Variants in C2CD4A observed in about 807,000 individuals in gnomAD.
The protein encoded by C2CD4A is C2 calcium-dependent domain-containing protein 4A.
In C2CD4A, 2 loss-of-function variants were observed where a neutral mutation model predicts 0.4. The observed-to-expected ratio is 4.45, with a 90% CI of 1.82 to 13.99. The LOEUF is 13.99. Among genes scored for constraint, C2CD4A ranks in the 30% most tolerant of loss-of-function variants. The pLI, the probability that C2CD4A is intolerant of heterozygous loss-of-function variation, is 0.04. For synonymous variants in C2CD4A, 297 were observed against 280.8 expected (o/e 1.06, Z -0.58); for missense variants, 610 against 574.2 (o/e 1.06, Z -0.64).
In C2CD4A at chr15:62,068,035, C is replaced by G. The variant is rs1251696581; in HGVS notation, c.422C>G (p.Pro141Arg). The change falls in exon 2 of 2, where the codon CCG becomes CGG. Residue 141 changes from proline to arginine, a missense_variant. By Grantham distance (103) the Pro-to-Arg change is moderately radical. Transcript: ENST00000355522. ...CACACCTACGGCGGCGGCGGCGGCC[C>G]GGACGCCCTCCTGGGGACCCTGCGC... ...RAHTYGGGGG[P>R]DALLGTLRVP... 11 of 1,269,144 alleles carry G rather than the reference C, an allele frequency of 8.7e-6. No homozygotes were observed. Among genetic ancestry groups the G allele is most frequent in the Non-Finnish European group, 1.1e-5 (11 of 1,015,100 alleles). 78.6% of individuals were successfully genotyped at this position (1,269,144 alleles called of 1,614,324 possible). A position where few individuals can be genotyped will look rare whatever the true frequency, so the allele number is the denominator to read the frequency against.
At position 62,068,614 on chromosome 15, in the gene C2CD4A, TGCGCCG is replaced by T; in HGVS notation, c.1002_1007del (p.Arg335_Arg336del). 1 of 1,561,140 alleles carries T rather than the reference TGCGCCG, an allele frequency of 6.4e-7. No homozygotes were observed. Among genetic ancestry groups the T allele is most frequent in the Non-Finnish European group, 8.7e-7 (1 of 1,152,902 alleles). On this transcript the variant is annotated inframe_deletion, in exon 2 of 2. Transcript: ENST00000355522. ...TTCGACGGCCTCTCGGAGGACGAAG[TGCGCCG>T]CCTGGCCGTTCGAGTCAAGGCCCGG...
At chr15:62,067,378 A>T (rs1567164395) in intron 1 of C2CD4A, among the ~76,000 whole-genome samples, 1 of 152,224 alleles carries the variant, frequency 6.6e-6, no homozygotes, top group Non-Finnish European at 1.5e-5. Flanking sequence ...TGTGTATTAC[A>T]ACACAGTTGA....
At chr15:62,067,469 T>G (rs1337492527) in intron 1 of C2CD4A, 116 bp from the exon 2 acceptor site, 1 of 871,086 alleles carries the variant, frequency 1.1e-6, no homozygotes, top group East Asian at 2.7e-5. Flanking sequence ...CAGTTTGCCT[T>G]GTTTCGGGAA....
chr15:62,068,093 G>A lies in C2CD4A; in HGVS notation c.480G>A (p.Ala160=), dbSNP rs995788400. ...VPRAPGPATP[A]APGCPRPPQD... ...GAGCTCCGGGCCCGGCGACCCCCGC[G>A]GCCCCCGGCTGTCCCCGCCCGCCCC... The change falls in exon 2 of 2, where the codon GCG becomes GCA. Residue 160 remains alanine, a synonymous_variant. Transcript: ENST00000355522. The A allele has an allele frequency of 7.9e-6, 9 of 1,134,048 alleles. No homozygotes were observed. The highest frequency in any genetic ancestry group is 1.7e-5 in the African/African-American group (1 of 60,452). The allele number at this position is 1,134,048 out of a possible 1,614,324, so 70.2% of individuals were successfully genotyped here. A position where few individuals can be genotyped will look rare whatever the true frequency, so the allele number is the denominator to read the frequency against.
At position 62,068,167 on chromosome 15, in the gene C2CD4A, C is replaced by G. The variant is rs559668449; in HGVS notation, c.554C>G (p.Pro185Arg). ...RPRGCRLLRV[P>R]DGLLSRALRA... is the part of the protein sequence containing the mutation. ...CGCGGCTGCCGCCTCCTGCGCGTCC[C>G]CGACGGGCTGCTGAGTCGCGCGCTG... Residue 185 changes from proline to arginine, a missense_variant, in exon 2 of 2, where the codon CCC (proline) becomes CGC (arginine). Transcript: ENST00000355522. 8,403 of 1,243,588 alleles carry G rather than the reference C, an allele frequency of 6.8e-3. 47 individuals are homozygous for G. The highest frequency in any genetic ancestry group is 0.021 in the South Asian group (669 of 31,158). 77.0% of individuals were successfully genotyped at this position (1,243,588 alleles called of 1,614,324 possible).
Position 62,069,248 on chromosome 15 carries a change from T to A in C2CD4A, c.*525T>A, listed in dbSNP as rs554018914. On this transcript the variant is annotated 3_prime_UTR_variant, in exon 2 of 2. Transcript: ENST00000355522. The stretch of plus-strand genomic sequence containing the variant: ...CTAGCTATATCTCACTGGAAAAGCA[T>A]TGGAGAAAATGAAACCATTTTAATA... 6.0e-6 allele frequency: 1 copy of A among 167,476 alleles called. No individual in the cohort carries two copies. Among genetic ancestry groups the A allele is most frequent in the Non-Finnish European group, 1.5e-5 (1 of 68,432 alleles). The allele number at this position is 167,476 out of a possible 1,614,324, so 10.4% of individuals were successfully genotyped here. A position where few individuals can be genotyped will look rare whatever the true frequency, so the allele number is the denominator to read the frequency against.
chr15:62,068,286 C>A lies in C2CD4A; in HGVS notation c.673C>A (p.Arg225=). The A allele has an allele frequency of 7.1e-7, 1 of 1,403,976 alleles. No individual in the cohort carries two copies. Among genetic ancestry groups the A allele is most frequent in the African/African-American group, 1.5e-5 (1 of 66,850 alleles). 87.0% of individuals were successfully genotyped at this position (1,403,976 alleles called of 1,614,324 possible). Residue 225 remains arginine (R), a synonymous_variant, in exon 2 of 2, where the codon CGG becomes AGG. Transcript: ENST00000355522. ...CCGCGCGGGCTCCCAGTCCCCGGCC[C>A]GGGCCCCCTCCACGAGCCCGCCGTC... ...ERRAGSQSPA[R]APSTSPPSSR...
At position 62,068,005 on chromosome 15, in the gene C2CD4A, G is replaced by A. The variant is rs1365307948; in HGVS notation, c.392G>A (p.Arg131Gln). ...GGGGGCCCGCCCGCGCCCCGGCCCC[G>A]GGCCCACACCTACGGCGGCGGCGGC... ...LLGGPPAPRP[R>Q]AHTYGGGGGP... Residue 131 changes from arginine (R) to glutamine (Q), a missense_variant, in exon 2 of 2, where the codon CGG becomes CAG. Transcript: ENST00000355522. 2.5e-5 allele frequency: 33 copies of A among 1,334,010 alleles called. No homozygotes were observed. Among genetic ancestry groups the A allele is most frequent in the Non-Finnish European group, 2.9e-5 (31 of 1,053,292 alleles). 82.6% of individuals were successfully genotyped at this position (1,334,010 alleles called of 1,614,324 possible).
At chr15:62,067,463 T>C (rs979151503) in intron 1 of C2CD4A, 122 bp from the exon 2 acceptor site, 11 of 788,868 alleles carry the variant, frequency 1.4e-5, no homozygotes, top group African/African-American at 1.2e-4. Flanking sequence ...CAAGAGCAGT[T>C]TGCCTTGTTT....
rs1312551636 is a variant in C2CD4A at position 62,068,415 on chromosome 15, G to C, written c.802G>C (p.Gly268Arg). ...RLAAEYCPGT[G>R]RLRLRLLRAE... ...GGCCGCCGAGTACTGTCCGGGAACC[G>C]GGCGGCTCCGCCTCCGGCTGCTCCG... The change falls in exon 2 of 2, where the codon GGG becomes CGG. Residue 268 changes from glycine to arginine, a missense_variant. Coordinates refer to ENST00000355522, the MANE Select transcript of C2CD4A (RefSeq NM_207322.3). The C allele has an allele frequency of 2.1e-6, 3 of 1,399,184 alleles. No individual in the cohort carries two copies. The highest frequency in any genetic ancestry group is 1.5e-5 in the African/African-American group (1 of 65,766). 86.7% of individuals were successfully genotyped at this position (1,399,184 alleles called of 1,614,324 possible).
In C2CD4A at chr15:62,070,445, G is replaced by A; in HGVS notation, c.*1722G>A. On this transcript the variant is annotated 3_prime_UTR_variant, in exon 2 of 2. Coordinates refer to ENST00000355522, the MANE Select transcript of C2CD4A (RefSeq NM_207322.3). ...GGCTTCTCAAAGTGCTAGGATTATAGGCGTGAGCCACCATGCCCGACCAGT... is the reference window on the plus strand; with the variant it reads ...GGCTTCTCAAAGTGCTAGGATTATAAGCGTGAGCCACCATGCCCGACCAGT... 2 of 413,410 alleles carry A rather than the reference G, an allele frequency of 4.8e-6. No individual in the cohort carries two copies. The highest frequency in any genetic ancestry group is 8.8e-6 in the Non-Finnish European group (2 of 226,156). 25.6% of individuals were successfully genotyped at this position (413,410 alleles called of 1,614,324 possible).
In C2CD4A at chr15:62,070,222, T is replaced by A; in HGVS notation, c.*1499T>A. The stretch of plus-strand genomic sequence containing the variant: ...CATCCTAAATGAGGGTTTAAAAAAT[T>A]GAAAATATTTAAATATACAGGATGG... On this transcript the variant is annotated 3_prime_UTR_variant, in exon 2 of 2. Coordinates refer to ENST00000355522, the MANE Select transcript of C2CD4A (RefSeq NM_207322.3). 1 of 412,916 alleles carries A rather than the reference T, an allele frequency of 2.4e-6. No individual in the cohort carries two copies. Among genetic ancestry groups the A allele is most frequent in the Non-Finnish European group, 4.4e-6 (1 of 226,068 alleles). The allele number at this position is 412,916 out of a possible 1,614,324, so 25.6% of individuals were successfully genotyped here.
chr15:62,068,753 C>T lies in C2CD4A; in HGVS notation c.*30C>T, dbSNP rs896901673. On this transcript the variant is annotated 3_prime_UTR_variant, in exon 2 of 2. Transcript: ENST00000355522. ...CCAGCCCTCCCCGGGGCGCTCTGCC[C>T]GGGGGACTCCGGACACTGACAGCCG... The T allele has an allele frequency of 2.1e-6, 3 of 1,435,414 alleles. No homozygotes were observed. The highest frequency in any genetic ancestry group is 2.7e-6 in the Non-Finnish European group (3 of 1,092,028). The allele number at this position is 1,435,414 out of a possible 1,614,324, so 88.9% of individuals were successfully genotyped here.
chr15:62,069,374 G>A lies in C2CD4A; in HGVS notation c.*651G>A, dbSNP rs1260398881. 1 of 165,970 alleles carries A rather than the reference G, an allele frequency of 6.0e-6. No homozygotes were observed. The highest frequency in any genetic ancestry group is 1.9e-4 in the East Asian group (1 of 5,202). The allele number at this position is 165,970 out of a possible 1,614,324, so 10.3% of individuals were successfully genotyped here. A position where few individuals can be genotyped will look rare whatever the true frequency, so the allele number is the denominator to read the frequency against. ...GAGGCGGGCAGATGGCTTGAGCCCAGGAATTTGAGACCAGGCTGGGCAACA... is the reference window on the plus strand; with the variant it reads ...GAGGCGGGCAGATGGCTTGAGCCCAAGAATTTGAGACCAGGCTGGGCAACA... On this transcript the variant is annotated 3_prime_UTR_variant, in exon 2 of 2. Transcript: ENST00000355522.
In C2CD4A at chr15:62,067,911, C is replaced by G. The variant is rs545922991; in HGVS notation, c.298C>G (p.Arg100Gly). ...ALSLPHLPRV[R>G]TAYGFCALLE... ...GTCACTGCCGCACCTGCCCCGTGTG[C>G]GCACCGCCTACGGCTTCTGCGCGCT... is the stretch of plus-strand genomic sequence containing the variant. The change falls in exon 2 of 2, where the codon CGC becomes GGC. Residue 100 changes from arginine (R) to glycine (G), a missense_variant. Arg to Gly is a moderately radical substitution (Grantham distance 125). Coordinates refer to ENST00000355522, the MANE Select transcript of C2CD4A (RefSeq NM_207322.3). 3 of 1,594,034 alleles carry G rather than the reference C, an allele frequency of 1.9e-6. No individual in the cohort carries two copies. Among genetic ancestry groups the G allele is most frequent in the African/African-American group, 1.3e-5 (1 of 74,724 alleles).
chr15:62,070,738 A>C lies in C2CD4A; in HGVS notation c.*2015A>C. On this transcript the variant is annotated 3_prime_UTR_variant, in exon 2 of 2. Coordinates refer to ENST00000355522, the MANE Select transcript of C2CD4A (RefSeq NM_207322.3). ...GTTGACCAAATGAATGATGACATAG[A>C]GTAGTTCAGATCTATCATGTGCTCT... 5.3e-6 allele frequency: 2 copies of C among 380,560 alleles called. No individual in the cohort carries two copies. Among genetic ancestry groups the C allele is most frequent in the Non-Finnish European group, 4.8e-6 (1 of 207,098 alleles). 23.6% of individuals were successfully genotyped at this position (380,560 alleles called of 1,614,324 possible).
chr15:62,069,027 T>A lies in C2CD4A; in HGVS notation c.*304T>A. On this transcript the variant is annotated 3_prime_UTR_variant, in exon 2 of 2. Transcript: ENST00000355522. Reference sequence around the variant, plus strand: ...CATGAAGTGTTAGAACTAGAAAGTGTCTTGGCGATCTGTTTGCTCCAATCA... The same window carrying A: ...CATGAAGTGTTAGAACTAGAAAGTGACTTGGCGATCTGTTTGCTCCAATCA... 2.9e-6 allele frequency: 1 copy of A among 345,600 alleles called. No individual in the cohort carries two copies. The highest frequency in any genetic ancestry group is 5.4e-6 in the Non-Finnish European group (1 of 184,154). 21.4% of individuals were successfully genotyped at this position (345,600 alleles called of 1,614,324 possible).
Position 62,067,768 on chromosome 15 carries a change from C to A in C2CD4A, c.155C>A (p.Pro52Gln). Residue 52 changes from proline to glutamine, a missense_variant, in exon 2 of 2, where the codon CCG (proline) becomes CAG (glutamine). Physicochemically the swap from Pro to Gln is moderately conservative, Grantham distance 76. Transcript: ENST00000355522. ...TPDRIPEFCI[P>Q]PRLMPRLALA... ...GACCGCATCCCTGAGTTCTGCATCC[C>A]GCCACGGCTCATGCCCCGCCTGGCC... The A allele has an allele frequency of 1.9e-6, 3 of 1,613,082 alleles. No individual in the cohort carries two copies. In the South Asian group the frequency reaches 3.3e-5, roughly 18 times the overall value.
chr15:62,068,748 C>A lies in C2CD4A; in HGVS notation c.*25C>A. ...AGGGCCCAGCCCTCCCCGGGGCGCT[C>A]TGCCCGGGGGACTCCGGACACTGAC... On this transcript the variant is annotated 3_prime_UTR_variant, in exon 2 of 2. Transcript: ENST00000355522. The A allele has an allele frequency of 6.9e-7, 1 of 1,451,082 alleles. No individual in the cohort carries two copies. The highest frequency in any genetic ancestry group is 1.4e-5 in the South Asian group (1 of 69,114). 89.9% of individuals were successfully genotyped at this position (1,451,082 alleles called of 1,614,324 possible).
Sources: allele counts gnomAD v4.1 joint callset (sites outside exome capture counted in the v4.1 genomes callset), GRCh38; gene constraint gnomAD v4.1.1; transcripts MANE v1.5; gene names NCBI Gene and HGNC (gene_info 2026-07-23, HGNC 2026-07-21).